MS4A5: variants seen among roughly 807,000 people sequenced by gnomAD.
MS4A5 encodes membrane spanning 4-domains A5, also known as membrane-spanning 4-domains subfamily A member 5.
Under a neutral mutation model 18.2 loss-of-function variants are expected in MS4A5, and 15 were observed. That is an observed-to-expected ratio of 0.83 (90% CI 0.55 to 1.27). The LOEUF is 1.27. MS4A5 is among the 50% of genes most tolerant of loss of function. The pLI, the probability that MS4A5 is intolerant of heterozygous loss-of-function variation, is 0.00. For missense variants in MS4A5, 232 were observed against 225.7 expected (o/e 1.03, Z -0.18); for synonymous variants, 89 against 78.7 (o/e 1.13, Z -0.69).
chr11:60,432,487 T>C lies in MS4A5; in HGVS notation c.339+20T>C, dbSNP rs1180447793. 6 of 1,471,336 alleles carry C rather than the reference T, an allele frequency of 4.1e-6. No homozygotes were observed. In the African/African-American group the frequency reaches 7.0e-5, roughly 17 times the overall value. 91.1% of individuals were successfully genotyped at this position (1,471,336 alleles called of 1,614,324 possible). ...ACTCTGGTGAGTTATATTCTTACTT[T>C]ATTAAAAATATATTTTGTAGCCAGT... On this transcript the variant is annotated intron_variant, in intron 3 of 4. Coordinates refer to ENST00000300190, the MANE Select transcript of MS4A5 (RefSeq NM_023945.3).
At chr11:60,434,676 A>G (rs2086069142) in intron 4 of MS4A5, among the ~76,000 whole-genome samples, 1 of 152,218 alleles carries the variant, frequency 6.6e-6, no homozygotes, top group African/African-American at 2.4e-5. Flanking sequence ...AAAGACATTA[A>G]AAAGCTGAAA....
chr11:60,430,787 T>C lies in MS4A5; in HGVS notation c.154-9T>C. 1.2e-6 allele frequency: 2 copies of C among 1,609,876 alleles called. No individual in the cohort carries two copies. Among genetic ancestry groups the C allele is most frequent in the Non-Finnish European group, 1.7e-6 (2 of 1,179,410 alleles). ...TTTTCCTCACCATGACTTTTTCCTCTATTTGCAGACTATCCAGATCCTGTT... is the reference window on the plus strand; with the variant it reads ...TTTTCCTCACCATGACTTTTTCCTCCATTTGCAGACTATCCAGATCCTGTT... On this transcript the variant is annotated splice_polypyrimidine_tract_variant and intron_variant, in intron 1 of 4. Transcript: ENST00000300190.
chr11:60,435,454 C>T (rs892804892), intron 4 of MS4A5: 41 of 427,052 alleles, frequency 9.6e-5, no homozygotes, highest in Non-Finnish European at 1.5e-4. Context: ...GGAACAGCTC[C>T]GGTCTACAGC....
At position 60,429,633 on chromosome 11, in the gene MS4A5, A is replaced by T; in HGVS notation, c.-42A>T. The T allele has an allele frequency of 1.3e-6, 2 of 1,580,232 alleles. No homozygotes were observed. The highest frequency in any genetic ancestry group is 1.7e-6 in the Non-Finnish European group (2 of 1,165,642). The stretch of plus-strand genomic sequence containing the variant: ...AAAAGAACATGGTCTAGACTGAAGT[A>T]CCAACTAAATCATCTCCTTTCAAAT... On this transcript the variant is annotated 5_prime_UTR_variant, in exon 1 of 5. Transcript: ENST00000300190.
intron 2 of MS4A5, among the ~76,000 whole-genome samples, chr11:60,431,977 A>AT (rs11379273): frequency 1 from 152,109 of 152,176 alleles, 76,021 homozygotes; most frequent in Middle Eastern, 1. Flanking sequence ...AATCTTGGAG[A>AT]TTTTAAGAAC....
chr11:60,441,837 C>A (rs1255106768), intron 4 of MS4A5, among the ~76,000 whole-genome samples: 1 of 152,050 alleles, frequency 6.6e-6, no homozygotes, highest in Non-Finnish European at 1.5e-5. Context: ...AACAGCTACA[C>A]TAGTAACAAA....
chr11:60,434,368 A>C (rs2086067424), intron 4 of MS4A5, among the ~76,000 whole-genome samples: 1 of 152,204 alleles, frequency 6.6e-6, no homozygotes. Context: ...TTAGTGTAAA[A>C]GAATGTAAAA....
chr11:60,433,510 C>T (rs1435900431), intron 3 of MS4A5, among the ~76,000 whole-genome samples: 1 of 152,176 alleles, frequency 6.6e-6, no homozygotes, highest in Non-Finnish European at 1.5e-5. Flanking sequence ...ACCCTTCCTC[C>T]CAACTGAATA....
intron 4 of MS4A5, among the ~76,000 whole-genome samples, chr11:60,445,127 A>G (rs2135180748): frequency 6.6e-6 from 1 of 152,340 alleles, no homozygotes; most frequent in Admixed American, 6.5e-5. Context: ...TTAACACATG[A>G]TGCTAGAAAT....
Position 60,440,254 on chromosome 11 carries a change from A to G in MS4A5, c.492+6337A>G, listed in dbSNP as rs2086103307. Among the ~76,000 whole-genome samples, 3 of 103,912 alleles carry G rather than the reference A, an allele frequency of 2.9e-5. No homozygotes were observed. In the South Asian group the frequency reaches 1.1e-3, roughly 37 times the overall value. 68.2% of individuals were successfully genotyped at this position (103,912 alleles called of 152,430 possible). ...AAAGCTGAAACTGGATCCCTTCCTT[A>G]CACCTTATACAAAAATCAATTCAAG... On this transcript the variant is annotated intron_variant, in intron 4 of 4. Transcript: ENST00000300190.
intron 1 of MS4A5, 46 bp from the exon 2 acceptor site, chr11:60,430,750 C>A (rs1590829899): frequency 1.3e-6 from 2 of 1,599,750 alleles, no homozygotes; most frequent in Non-Finnish European, 8.5e-7. Flanking sequence ...AGAAGGGAAA[C>A]TATCACTTTG....
intron 4 of MS4A5, among the ~76,000 whole-genome samples, chr11:60,441,101 A>C (rs1426836850): frequency 1.0e-5 from 1 of 96,460 alleles, no homozygotes; most frequent in Non-Finnish European, 2.1e-5. Context: ...GCAGCCATAA[A>C]AAATGATGAG....
At chr11:60,442,295 A>G (rs1319177220) in intron 4 of MS4A5, among the ~76,000 whole-genome samples, 1 of 152,250 alleles carries the variant, frequency 6.6e-6, no homozygotes, top group African/African-American at 2.4e-5. Flanking sequence ...ATTACCTCCC[A>G]TAGTTATCAC....
intron 4 of MS4A5, among the ~76,000 whole-genome samples, chr11:60,434,488 G>A (rs1364830293): frequency 6.6e-6 from 1 of 152,132 alleles, no homozygotes; most frequent in African/African-American, 2.4e-5. Context: ...CATATTAGAA[G>A]ATATTTCTTA....
In MS4A5 at chr11:60,447,741, T is replaced by C. The variant is rs1384243970; in HGVS notation, c.585T>C (p.Asp195=). 1.9e-6 allele frequency: 3 copies of C among 1,589,628 alleles called. No homozygotes were observed. The Admixed American group carries it at 5.4e-5, about 29-fold the overall frequency. The change falls in exon 5 of 5, where the codon GAT becomes GAC. Residue 195 remains aspartate, a synonymous_variant. Transcript: ENST00000300190. Reference sequence around the variant, plus strand: ...TGGGGTGCCACTCAGAGGATTGTGATTGTGAACAATGTTGTTGACTAGCAC... The same window carrying C: ...TGGGGTGCCACTCAGAGGATTGTGACTGTGAACAATGTTGTTGACTAGCAC... ...SILGCHSEDC[D]CEQCC is the part of the protein sequence containing the mutation.
chr11:60,433,831 A>G lies in MS4A5; in HGVS notation c.406A>G (p.Thr136Ala), dbSNP rs1273260555. ...AGCAATAGCTGGAATCATTCTCCTCACATTTGGTTTCATCCTAGATCAAAA... is the reference window on the plus strand; with the variant it reads ...AGCAATAGCTGGAATCATTCTCCTCGCATTTGGTTTCATCCTAGATCAAAA... Reference protein sequence around the residue: ...LGAIAGIILLTFGFILDQNYI... With the variant: ...LGAIAGIILLAFGFILDQNYI... The change falls in exon 4 of 5, where the codon ACA (threonine) becomes GCA (alanine). Residue 136 changes from threonine to alanine, a missense_variant. Transcript: ENST00000300190. 6.2e-7 allele frequency: 1 copy of G among 1,613,888 alleles called. No individual in the cohort carries two copies.
At chr11:60,444,513 T>C (rs2086129480) in intron 4 of MS4A5, among the ~76,000 whole-genome samples, 1 of 152,098 alleles carries the variant, frequency 6.6e-6, no homozygotes, top group Non-Finnish European at 1.5e-5. Context: ...CCTCTCTCTA[T>C]ATATATCTCT....
At chr11:60,447,269 G>A (rs1023284863) in intron 4 of MS4A5, among the ~76,000 whole-genome samples, 26 of 148,666 alleles carry the variant, frequency 1.7e-4, no homozygotes, top group Non-Finnish European at 3.0e-4. Flanking sequence ...GCTATCCTAT[G>A]GTATCCTATG....
intron 4 of MS4A5, among the ~76,000 whole-genome samples, chr11:60,444,504 C>T (rs1210975945): frequency 2.6e-5 from 4 of 151,560 alleles, no homozygotes; most frequent in South Asian, 4.2e-4. Flanking sequence ...AGAAAATTTC[C>T]TCTCTCTATA....
Sources: gnomAD v4.1 joint callset for allele counts (sites outside exome capture counted in the v4.1 genomes callset) on GRCh38, gnomAD v4.1.1 for gene constraint, MANE v1.5 for transcripts, NCBI Gene and HGNC (gene_info 2026-07-23, HGNC 2026-07-21) for gene names.